The following RDH8 variants were observed in gnomAD, a reference collection of about 807,000 sequenced individuals.
The protein encoded by RDH8 is photoreceptor outer segment all-trans retinol dehydrogenase.
Under a neutral mutation model 22.3 loss-of-function variants are expected in RDH8, and 14 were observed. That is an observed-to-expected ratio of 0.63 (90% CI 0.42 to 0.98). The LOEUF (loss-of-function observed/expected upper bound fraction) is 0.98, where lower values mean the gene tolerates loss of function less well. Ranked by LOEUF, RDH8 falls within the 50% of genes least tolerant of loss-of-function variation. The probability of loss-of-function intolerance (pLI) is 0.00; values close to 1 mark genes in which losing one functional copy is unlikely to be tolerated. For synonymous variants in RDH8, 175 were observed against 171.7 expected (o/e 1.02, Z -0.15); for missense variants, 389 against 409.8 (o/e 0.95, Z 0.44).
chr19:10,014,447 C>T (rs1398542744), intron 1 of RDH8, among the ~76,000 whole-genome samples: 6 of 152,166 alleles, frequency 3.9e-5, no homozygotes, highest in Non-Finnish European at 5.9e-5. Flanking sequence ...ATGCACCAAG[C>T]TGCATTCTAA....
chr19:10,017,174 C>G lies in RDH8; in HGVS notation c.221C>G (p.Ala74Gly), dbSNP rs770379725. Residue 74 changes from alanine to glycine, a missense_variant, in exon 2 of 6, where the codon GCC becomes GGC. Coordinates refer to ENST00000591589, the MANE Select transcript of RDH8 (RefSeq NM_015725.4). Reference sequence around the variant, plus strand: ...GACGTGTGCAGTGATGAGTCGGTGGCCCAGTGTCTCAGCTGTATCCAGGGA... The same window carrying G: ...GACGTGTGCAGTGATGAGTCGGTGGGCCAGTGTCTCAGCTGTATCCAGGGA... ...QLDVCSDESV[A>G]QCLSCIQGEV... is the part of the protein sequence containing the mutation. 32 of 1,608,506 alleles carry G rather than the reference C, an allele frequency of 2.0e-5. No individual in the cohort carries two copies. The highest frequency in any genetic ancestry group is 4.2e-6 in the Non-Finnish European group (5 of 1,176,550).
At position 10,021,209 on chromosome 19, in the gene RDH8, G is replaced by T. The variant is rs753357909; in HGVS notation, c.537-46G>T. On this transcript the variant is annotated intron_variant, in intron 4 of 5. Coordinates refer to ENST00000591589, the MANE Select transcript of RDH8 (RefSeq NM_015725.4). Reference sequence around the variant, plus strand: ...AAAAAAATGGACAAAATAGGTCAGGGAGTGGTTGGGGCATCAGACTTACAC... The same window carrying T: ...AAAAAAATGGACAAAATAGGTCAGGTAGTGGTTGGGGCATCAGACTTACAC... The T allele has an allele frequency of 1.5e-5, 23 of 1,578,392 alleles. 1 individual carries two copies. The highest frequency in any genetic ancestry group is 1.9e-5 in the Non-Finnish European group (22 of 1,159,796).
chr19:10,019,325 A>G (rs2087641729), intron 3 of RDH8, among the ~76,000 whole-genome samples: 1 of 151,994 alleles, frequency 6.6e-6, no homozygotes, highest in Non-Finnish European at 1.5e-5. Context: ...AATAAAATAA[A>G]TTAGCCTGGA....
At chr19:10,018,673 G>C (rs1346219902) in intron 2 of RDH8, 58 bp from the exon 3 acceptor site, 1 of 1,421,192 alleles carries the variant, frequency 7.0e-7, no homozygotes, top group Non-Finnish European at 9.7e-7. Flanking sequence ...GGAGTGTCTA[G>C]AAGTAATGCT....
In RDH8 at chr19:10,021,431, T is replaced by C; in HGVS notation, c.713T>C (p.Val238Ala). ...TCCGTGGGACAGAACCCACAGGACG[T>C]GGTTCAGGTGAGTGAAGGGCCCAGA... ...FCSVGQNPQD[V>A]VQAIVNVISS... Residue 238 changes from valine (V) to alanine (A), a missense_variant, in exon 5 of 6, where the codon GTG (valine) becomes GCG (alanine). Coordinates refer to ENST00000591589, the MANE Select transcript of RDH8 (RefSeq NM_015725.4). The C allele has an allele frequency of 6.2e-7, 1 of 1,614,072 alleles. No homozygotes were observed. Among genetic ancestry groups the C allele is most frequent in the Non-Finnish European group, 8.5e-7 (1 of 1,180,006 alleles).
At chr19:10,014,537 T>C (rs2087594670) in intron 1 of RDH8, among the ~76,000 whole-genome samples, 1 of 152,110 alleles carries the variant, frequency 6.6e-6, no homozygotes, top group Admixed American at 6.5e-5. Context: ...ATTTTATTAT[T>C]ATTTTATTAT....
At chr19:10,020,358 G>GAGGGAGCGAGGGAGGAAGTA (rs760823041) in intron 3 of RDH8, among the ~76,000 whole-genome samples, 1 of 134,042 alleles carries the variant, frequency 7.5e-6, no homozygotes, top group Non-Finnish European at 1.6e-5. Context: ...GGGAGGGAGG[G>GAGGGAGCGAGGGAGGAAGTA]AGGAAGGAAG....
At chr19:10,014,663 C>G (rs1029527154) in intron 1 of RDH8, among the ~76,000 whole-genome samples, 6 of 152,160 alleles carry the variant, frequency 3.9e-5, no homozygotes, top group Non-Finnish European at 7.4e-5. Context: ...CTTGACCTCC[C>G]GAGTTTCTGG....
intron 2 of RDH8, among the ~76,000 whole-genome samples, chr19:10,017,561 G>A (rs901453753): frequency 6.6e-6 from 1 of 152,186 alleles, no homozygotes; most frequent in African/African-American, 2.4e-5. Context: ...GGAGGCCAAG[G>A]TGGGAGGATC....
chr19:10,015,369 C>T (rs2087603901), intron 1 of RDH8, among the ~76,000 whole-genome samples: 3 of 151,864 alleles, frequency 2.0e-5, no homozygotes, highest in Non-Finnish European at 2.9e-5. Flanking sequence ...AGAAGAATGG[C>T]GTGAACCTGT....
chr19:10,021,917 T>C lies in RDH8; in HGVS notation c.*168T>C, dbSNP rs2087665563. On this transcript the variant is annotated 3_prime_UTR_variant, in exon 6 of 6. Transcript: ENST00000591589. Reference sequence around the variant, plus strand: ...CCAGAAGGGCCTTTATTTTCAGGCATAGACTCCTCTGTGGTCACAGCTGGA... The same window carrying C: ...CCAGAAGGGCCTTTATTTTCAGGCACAGACTCCTCTGTGGTCACAGCTGGA... 1 of 730,828 alleles carries C rather than the reference T, an allele frequency of 1.4e-6. No individual in the cohort carries two copies. The highest frequency in any genetic ancestry group is 2.2e-6 in the Non-Finnish European group (1 of 454,362). The allele number at this position is 730,828 out of a possible 1,614,324, so 45.3% of individuals were successfully genotyped here. A position where few individuals can be genotyped will look rare whatever the true frequency, so the allele number is the denominator to read the frequency against.
At chr19:10,018,992 A>G in intron 3 of RDH8, 82 bp downstream of exon 3, 1 of 1,213,776 alleles carries the variant, frequency 8.2e-7, no homozygotes, top group Non-Finnish European at 1.2e-6. Flanking sequence ...TGGGTTTTAG[A>G]TCATATTCTA....
Position 10,021,633 on chromosome 19 carries a change from GGCAGCCTGTATGTGCGAACGACCCAC to G in RDH8, c.821_846del (p.Gly274AlafsTer41), listed in dbSNP as rs771793083. ...CACGCTCAAAACCGTGGATTCCTCT[GGCAGCCTGTATGTGCGAACGACCCAC>G]CGCCTCCTCTTCCGCTGTCCACGCC... On this transcript the variant is annotated frameshift_variant, in exon 6 of 6. Transcript: ENST00000591589. LOFTEE classifies it low-confidence loss of function (END_TRUNC). 3 of 1,613,712 alleles carry G rather than the reference GGCAGCCTGTATGTGCGAACGACCCAC, an allele frequency of 1.9e-6. No individual in the cohort carries two copies. The South Asian group carries it at 3.3e-5, about 18-fold the overall frequency.
In RDH8 at chr19:10,018,840, T is replaced by C; in HGVS notation, c.372T>C (p.Ala124=). The change falls in exon 3 of 6, where the codon GCT becomes GCC. Residue 124 remains alanine, a synonymous_variant. Transcript: ENST00000591589. ...NFFGAVRLVK[A]VLPGMKRRRQ... ...TCGGAGCTGTCCGTCTCGTCAAAGC[T>C]GTGCTTCCAGGCATGAAGAGGAGGC... 2 of 1,613,900 alleles carry C rather than the reference T, an allele frequency of 1.2e-6. No individual in the cohort carries two copies. Among genetic ancestry groups the C allele is most frequent in the South Asian group, 1.1e-5 (1 of 91,026 alleles).
At position 10,021,712 on chromosome 19, in the gene RDH8, C is replaced by T. The variant is rs199886599; in HGVS notation, c.899C>T (p.Ser300Phe). ...RLLNLGLQCLSCGCLPTRVRP... is the reference protein window; with the variant it reads ...RLLNLGLQCLFCGCLPTRVRP... Reference sequence around the variant, plus strand: ...CTCAACCTTGGCCTTCAATGTCTGTCCTGCGGCTGCCTCCCAACGCGGGTG... The same window carrying T: ...CTCAACCTTGGCCTTCAATGTCTGTTCTGCGGCTGCCTCCCAACGCGGGTG... The change falls in exon 6 of 6, where the codon TCC (serine) becomes TTC (phenylalanine). Residue 300 changes from serine to phenylalanine, a missense_variant. Physicochemically the swap from Ser to Phe is radical, Grantham distance 155. Coordinates refer to ENST00000591589, the MANE Select transcript of RDH8 (RefSeq NM_015725.4). 2 of 1,614,038 alleles carry T rather than the reference C, an allele frequency of 1.2e-6. No homozygotes were observed. Among genetic ancestry groups the T allele is most frequent in the East Asian group, 4.5e-5 (2 of 44,890 alleles).
At chr19:10,014,780 G>C (rs2087597266) in intron 1 of RDH8, among the ~76,000 whole-genome samples, 7 of 152,124 alleles carry the variant, frequency 4.6e-5, no homozygotes, top group Admixed American at 3.9e-4. Flanking sequence ...CAGGTGATCT[G>C]CCTGCCTGGG....
chr19:10,015,217 C>G (rs1369275692), intron 1 of RDH8, among the ~76,000 whole-genome samples: 1 of 151,874 alleles, frequency 6.6e-6, no homozygotes, highest in African/African-American at 2.4e-5. Flanking sequence ...TTTGGGAGGC[C>G]TAGGTGGACA....
intron 1 of RDH8, among the ~76,000 whole-genome samples, chr19:10,014,157 C>T (rs970668409): frequency 6.6e-6 from 1 of 152,296 alleles, no homozygotes; most frequent in East Asian, 1.9e-4. Context: ...ATCCCTGGGA[C>T]CTGCATCCTA....
At chr19:10,018,619 C>T in intron 2 of RDH8, 112 bp from the exon 3 acceptor site, 1 of 793,300 alleles carries the variant, frequency 1.3e-6, no homozygotes, top group Non-Finnish European at 2.0e-6. Context: ...CCCAAGATAC[C>T]CTGGACTGGC....
Sources: gnomAD v4.1 joint callset for allele counts (sites outside exome capture counted in the v4.1 genomes callset) on GRCh38, gnomAD v4.1.1 for gene constraint, MANE v1.5 for transcripts, NCBI Gene and HGNC (gene_info 2026-07-23, HGNC 2026-07-21) for gene names.